The following GTF3A variants were observed in gnomAD, a reference collection of about 807,000 sequenced individuals.
GTF3A encodes transcription factor IIIA.
GTF3A carries 40 observed loss-of-function variants against 37.6 expected under a neutral mutation model. That is an observed-to-expected ratio of 1.06 (90% CI 0.83 to 1.38). GTF3A has a LOEUF of 1.38. Ranked by LOEUF, GTF3A falls within the 40% of genes most tolerant of loss-of-function variation. The pLI, the probability that GTF3A is intolerant of heterozygous loss-of-function variation, is 0.00. For synonymous variants in GTF3A, 191 were observed against 166.7 expected, an observed-to-expected ratio of 1.15 and a Z score of -1.12; for missense variants, 500 against 462.6, an observed-to-expected ratio of 1.08 and a Z score of -0.74.
intron 4 of GTF3A, among the ~76,000 whole-genome samples, chr13:27,431,736 C>T (rs1032609207): frequency 6.6e-5 from 10 of 152,090 alleles, no homozygotes; most frequent in African/African-American, 2.4e-4. Context: ...TAGGATTCAT[C>T]CACGTAACGA....
intron 2 of GTF3A, chr13:27,429,260 T>TA (rs1339068001): frequency 7.6e-6 from 1 of 130,928 alleles, no homozygotes; most frequent in East Asian, 2.2e-4. Context: ...CCCTCAAGCT[T>TA]ACGAAGGCTC....
intron 1 of GTF3A, 24 bp downstream of exon 1, chr13:27,424,962 C>T: frequency 6.6e-7 from 1 of 1,520,508 alleles, no homozygotes; most frequent in South Asian, 1.2e-5. Context: ...GGCTGCCAAC[C>T]CTGGGCCTAG....
intron 1 of GTF3A, 51 bp downstream of exon 1, chr13:27,424,989 C>T: frequency 2.1e-6 from 3 of 1,396,346 alleles, no homozygotes; most frequent in South Asian, 2.6e-5. Context: ...CGCGTGGCCC[C>T]GGGGTAGCCA....
intron 3 of GTF3A, among the ~76,000 whole-genome samples, 179 bp from the exon 4 acceptor site, chr13:27,430,354 C>T (rs774075611): frequency 2.0e-5 from 3 of 152,112 alleles, no homozygotes; most frequent in Non-Finnish European, 2.9e-5. Context: ...TTTGCTTTTT[C>T]AAATGTTATA....
Position 27,424,658 on chromosome 13 carries a change from TG to T in GTF3A, c.-77del. ...CGCGCGAAGGTTCAGCAGGGAGCCGTGGGCCGGGCGCGCCGGTTCCCGGCAC... is the reference window on the plus strand; with the variant it reads ...CGCGCGAAGGTTCAGCAGGGAGCCGTGGCCGGGCGCGCCGGTTCCCGGCAC... On this transcript the variant is annotated 5_prime_UTR_variant, in exon 1 of 9. Coordinates refer to ENST00000381140, the MANE Select transcript of GTF3A (RefSeq NM_002097.3). 1 of 1,087,642 alleles carries T rather than the reference TG, an allele frequency of 9.2e-7. No individual in the cohort carries two copies. The highest frequency in any genetic ancestry group is 1.2e-6 in the Non-Finnish European group (1 of 821,550). The allele number at this position is 1,087,642 out of a possible 1,614,324, so 67.4% of individuals were successfully genotyped here.
chr13:27,435,418 T>TC lies in GTF3A; in HGVS notation c.934-13dup. 1 of 1,608,424 alleles carries TC rather than the reference T, an allele frequency of 6.2e-7. No homozygotes were observed. The highest frequency in any genetic ancestry group is 1.3e-5 in the African/African-American group (1 of 74,954). On this transcript the variant is annotated splice_polypyrimidine_tract_variant and intron_variant, in intron 8 of 8. Coordinates refer to ENST00000381140, the MANE Select transcript of GTF3A (RefSeq NM_002097.3). ...GATTTTGAATTCTAATCGTGTGTCT[T>TC]CCTTATTCCCAAAGGTCAAAAAATC... is the stretch of plus-strand genomic sequence containing the variant.
rs191750053 is a variant in GTF3A, at chr13:27,435,369, C to T, written c.934-64C>T. The T allele has an allele frequency of 2.5e-5, 37 of 1,501,110 alleles. No homozygotes were observed. In the Admixed American group the frequency reaches 3.6e-4, roughly 14 times the overall value. 93.0% of individuals were successfully genotyped at this position (1,501,110 alleles called of 1,614,324 possible). A position where few individuals can be genotyped will look rare whatever the true frequency, so the allele number is the denominator to read the frequency against. Reference sequence around the variant, plus strand: ...TATATCTGCTGGTACATATGACTATCGTAAAATTAACTCAGACAGTTTTGA... The same window carrying T: ...TATATCTGCTGGTACATATGACTATTGTAAAATTAACTCAGACAGTTTTGA... On this transcript the variant is annotated intron_variant, in intron 8 of 8. Transcript: ENST00000381140.
rs998669242 is a variant in GTF3A at position 27,435,792 on chromosome 13, A to G, written c.*195A>G. The G allele has an allele frequency of 8.1e-6, 13 of 1,614,086 alleles. No individual in the cohort carries two copies. The highest frequency in any genetic ancestry group is 1.1e-5 in the Non-Finnish European group (13 of 1,180,042). On this transcript the variant is annotated 3_prime_UTR_variant, in exon 9 of 9. Transcript: ENST00000381140. ...TCTCCTCATTTTTGCTGAAAGCACG[A>G]AGAACACACATTAAAGCTTTTCCTC...
In GTF3A at chr13:27,435,025, T is replaced by C. The variant is rs201378182; in HGVS notation, c.864T>C (p.Phe288=). The change falls in exon 7 of 9, where the codon TTT becomes TTC. Residue 288 remains phenylalanine (F), a synonymous_variant. Transcript: ENST00000381140. ...AACATGCTGGCTGTGGCAAAACATTTGCAATGAAAGTAAGCACTCACCCTC... is the reference window on the plus strand; with the variant it reads ...AACATGCTGGCTGTGGCAAAACATTCGCAATGAAAGTAAGCACTCACCCTC... 10 of 1,598,106 alleles carry C rather than the reference T, an allele frequency of 6.3e-6. No homozygotes were observed. The East Asian group carries it at 2.0e-4, about 32-fold the overall frequency.
At chr13:27,431,385 T>A (rs1365913171) in intron 4 of GTF3A, among the ~76,000 whole-genome samples, 1 of 152,178 alleles carries the variant, frequency 6.6e-6, no homozygotes, top group Non-Finnish European at 1.5e-5. Context: ...TGGAGCCAAT[T>A]TAAGTGCCCA....
chr13:27,430,617 T>C lies in GTF3A; in HGVS notation c.484T>C (p.Phe162Leu), dbSNP rs767590748. ...GTGCCAGCATACCAATGAACCTCTA[T>C]TCAAGTAGGTACTTCATGTGGCTGA... Residue 162 changes from phenylalanine to leucine, a missense_variant, in exon 4 of 9, where the codon TTC becomes CTC. By Grantham distance (22) the Phe-to-Leu change is conservative (BLOSUM62 0). Coordinates refer to ENST00000381140, the MANE Select transcript of GTF3A (RefSeq NM_002097.3). 1 of 1,590,224 alleles carries C rather than the reference T, an allele frequency of 6.3e-7. No homozygotes were observed. The highest frequency in any genetic ancestry group is 1.1e-5 in the South Asian group (1 of 90,238).
intron 2 of GTF3A, among the ~76,000 whole-genome samples, chr13:27,427,403 C>A (rs569876801): frequency 1.4e-4 from 21 of 152,166 alleles, no homozygotes; most frequent in Non-Finnish European, 1.3e-4. Context: ...CATGGTGAAA[C>A]CCCGTATGTA....
At chr13:27,434,304 G>A (rs1479514967) in intron 6 of GTF3A, 85 bp downstream of exon 6, 1 of 750,902 alleles carries the variant, frequency 1.3e-6, no homozygotes, top group African/African-American at 1.7e-5. Context: ...GAAATGCTGT[G>A]TGCTTTAAAG....
Position 27,435,234 on chromosome 13 carries a change from A to G in GTF3A, c.933+42A>G, listed in dbSNP as rs200300278. 94 of 1,522,672 alleles carry G rather than the reference A, an allele frequency of 6.2e-5. No homozygotes were observed. In the African/African-American group the frequency reaches 1.2e-3, roughly 20 times the overall value. The allele number at this position is 1,522,672 out of a possible 1,614,324, so 94.3% of individuals were successfully genotyped here. Reference sequence around the variant, plus strand: ...TAGGCAAGCTTAGTTTTCAAGTGGAAATTGTTTAAGGCCAGAAGGAGTCTG... The same window carrying G: ...TAGGCAAGCTTAGTTTTCAAGTGGAGATTGTTTAAGGCCAGAAGGAGTCTG... On this transcript the variant is annotated intron_variant, in intron 8 of 8. Coordinates refer to ENST00000381140, the MANE Select transcript of GTF3A (RefSeq NM_002097.3).
chr13:27,427,825 T>C (rs1314075652), intron 2 of GTF3A, among the ~76,000 whole-genome samples: 2 of 146,308 alleles, frequency 1.4e-5, no homozygotes, highest in African/African-American at 5.1e-5. Flanking sequence ...AAGTAGGGGG[T>C]GGGGATGGTA....
At chr13:27,425,000 C>T (rs1255987311) in intron 1 of GTF3A, 62 bp downstream of exon 1, 1 of 1,306,530 alleles carries the variant, frequency 7.7e-7, no homozygotes, top group Admixed American at 2.3e-5. Flanking sequence ...GGGGTAGCCA[C>T]TGCAGTCGTG....
At chr13:27,425,040 C>T in intron 1 of GTF3A, 102 bp downstream of exon 1, 1 of 798,204 alleles carries the variant, frequency 1.3e-6, no homozygotes, top group South Asian at 1.9e-5. Context: ...CTGTGCAGCG[C>T]GTTCAGCTTT....
At chr13:27,425,255 C>T (rs1000846928) in intron 1 of GTF3A, 1 of 325,906 alleles carries the variant, frequency 3.1e-6, no homozygotes, top group East Asian at 5.3e-5. Context: ...CTGCCAAACA[C>T]TGGCCCCTGG....
rs1167220892 is a variant in GTF3A at position 27,435,159 on chromosome 13, A to C, written c.900A>C (p.Val300=). The change falls in exon 8 of 9, where the codon GTA becomes GTC. Residue 300 remains valine, a synonymous_variant. Transcript: ENST00000381140. ...AAAGTCTCACTAGGCATGCTGTTGT[A>C]CATGATCCTGACAAGAAGAAAATGA... The C allele has an allele frequency of 6.2e-7, 1 of 1,606,504 alleles. No homozygotes were observed. The highest frequency in any genetic ancestry group is 1.3e-5 in the African/African-American group (1 of 74,520).
Sources: gnomAD v4.1 joint callset for allele counts (sites outside exome capture counted in the v4.1 genomes callset) on GRCh38, gnomAD v4.1.1 for gene constraint, MANE v1.5 for transcripts, NCBI Gene and HGNC (gene_info 2026-07-23, HGNC 2026-07-21) for gene names.